SYT16: variants seen among roughly 807,000 people sequenced by gnomAD.
SYT16 encodes synaptotagmin-16.
In SYT16, 42 loss-of-function variants were observed where a neutral mutation model predicts 61.4. That is an observed-to-expected ratio of 0.68 (90% CI 0.53 to 0.89). The LOEUF is 0.89. SYT16 is among the 40% of genes least tolerant of loss of function. The pLI is 0.00. For synonymous variants in SYT16, 314 were observed against 302.3 expected (o/e 1.04, Z -0.40); for missense variants, 804 against 807.3 (o/e 1.00, Z 0.05).
Position 62,084,276 on chromosome 14 carries a change from G to T in SYT16, c.1515G>T (p.Gly505=). The change falls in exon 7 of 8, where the codon GGG becomes GGT. Residue 505 remains glycine (G), a synonymous_variant. Transcript: ENST00000683842. ...CCACGCAGTCGCTGTCTCATGGAGG[G>T]GCGCCAGAGCTGTTGGTGGGGCTCT... is the stretch of plus-strand genomic sequence containing the variant. ...TSSTQSLSHG[G]APELLVGLSY... is the part of the protein sequence containing the mutation. The T allele has an allele frequency of 6.2e-7, 1 of 1,613,902 alleles. No individual in the cohort carries two copies. The highest frequency in any genetic ancestry group is 8.5e-7 in the Non-Finnish European group (1 of 1,179,864).
At chr14:61,989,606 G>A (rs1334917201) in intron 2 of SYT16, among the ~76,000 whole-genome samples, 2 of 152,106 alleles carry the variant, frequency 1.3e-5, no homozygotes, top group Admixed American at 1.3e-4. Context: ...TGTCTAATTT[G>A]ATTTCCATGG....
intron 1 of SYT16, among the ~76,000 whole-genome samples, chr14:61,926,851 C>T (rs2049560069): frequency 1.3e-5 from 2 of 152,116 alleles, no homozygotes; most frequent in Admixed American, 1.3e-4. Flanking sequence ...TCCTTAGCTC[C>T]AGAGATAAAA....
intron 1 of SYT16, among the ~76,000 whole-genome samples, chr14:61,858,290 A>G (rs1324945775): frequency 1.3e-5 from 2 of 152,160 alleles, no homozygotes; most frequent in Non-Finnish European, 2.9e-5. Context: ...AGAAGTTAGG[A>G]TCTTTCTTTC....
chr14:61,832,858 A>T (rs1171641095), intron 1 of SYT16, among the ~76,000 whole-genome samples: 1 of 152,228 alleles, frequency 6.6e-6, no homozygotes, highest in African/African-American at 2.4e-5. Flanking sequence ...AAATAAATCT[A>T]TCCCTTTGCC....
intron 1 of SYT16, among the ~76,000 whole-genome samples, chr14:61,895,962 G>A (rs1594855304): frequency 6.6e-6 from 1 of 152,218 alleles, no homozygotes; most frequent in Admixed American, 6.5e-5. Flanking sequence ...CGTGGGGACA[G>A]TGTGGTTCAT....
intron 1 of SYT16, among the ~76,000 whole-genome samples, chr14:61,847,281 T>C (rs1258597271): frequency 6.6e-6 from 1 of 152,192 alleles, no homozygotes; most frequent in Non-Finnish European, 1.5e-5. Flanking sequence ...GGAAAGTCTT[T>C]ATTTTTCCTT....
In SYT16 at chr14:62,107,151, A is replaced by T. The variant is rs1039373961; in HGVS notation, c.*6444A>T. 1 of 151,660 alleles carries T rather than the reference A, an allele frequency of 6.6e-6. No homozygotes were observed. Among genetic ancestry groups the T allele is most frequent in the Non-Finnish European group, 1.5e-5 (1 of 67,946 alleles). The allele number at this position is 151,660 out of a possible 1,614,324, so 9.4% of individuals were successfully genotyped here. A position where few individuals can be genotyped will look rare whatever the true frequency, so the allele number is the denominator to read the frequency against. ...TTTATTCATTCAAAAAGATCTTTAT[A>T]GGTTGGGCATGGTGGCTCACACCTG... On this transcript the variant is annotated 3_prime_UTR_variant, in exon 8 of 8. Transcript: ENST00000683842.
At chr14:62,016,150 A>G (rs1338252357) in intron 3 of SYT16, among the ~76,000 whole-genome samples, 1 of 152,116 alleles carries the variant, frequency 6.6e-6, no homozygotes, top group African/African-American at 2.4e-5. Flanking sequence ...GGAACAAAAG[A>G]TCAAGGGAGC....
intron 1 of SYT16, among the ~76,000 whole-genome samples, chr14:61,823,539 G>T (rs1348086827): frequency 4.3e-5 from 6 of 137,986 alleles, no homozygotes; most frequent in African/African-American, 1.7e-4. Flanking sequence ...AACCAGCCTG[G>T]TCAACATGGC....
At chr14:61,982,119 G>A (rs533492119) in intron 2 of SYT16, among the ~76,000 whole-genome samples, 1 of 152,170 alleles carries the variant, frequency 6.6e-6, no homozygotes, top group Admixed American at 6.5e-5. Flanking sequence ...AGAAGCTCTG[G>A]AGCCATTCTA....
At chr14:62,074,008 G>T (rs765994286) in intron 4 of SYT16, among the ~76,000 whole-genome samples, 14 of 152,184 alleles carry the variant, frequency 9.2e-5, no homozygotes, top group Non-Finnish European at 1.8e-4. Context: ...CATAGACTTT[G>T]CCAACCCACG....
rs565051528 is a variant in SYT16 at position 61,994,167 on chromosome 14, G to A, written c.-144-1709G>A. Among the ~76,000 whole-genome samples, 7 of 152,314 alleles carry A rather than the reference G, an allele frequency of 4.6e-5. No individual in the cohort carries two copies. The East Asian group carries it at 1.4e-3, about 29-fold the overall frequency. On this transcript the variant is annotated intron_variant, in intron 2 of 7. Coordinates refer to ENST00000683842, the MANE Select transcript of SYT16 (RefSeq NM_001367656.1). ...AAAGCTAACGGAGTTTGGAATGGAA[G>A]AAGGTAGTGTTGAAGAGAGAAATTC...
chr14:61,961,497 C>T (rs145659890), intron 1 of SYT16, among the ~76,000 whole-genome samples: 1 of 151,988 alleles, frequency 6.6e-6, no homozygotes, highest in Admixed American at 6.6e-5. Context: ...TACACGTGGC[C>T]AACAAGTAAG....
chr14:61,865,345 C>A (rs945455855), intron 1 of SYT16: 2 of 679,266 alleles, frequency 2.9e-6, no homozygotes, highest in East Asian at 6.3e-5. Context: ...AGAAGCAGTC[C>A]GGAAAGGGAA....
rs569142277 is a variant in SYT16 at position 62,082,644 on chromosome 14, G to C, written c.1434+1370G>C. ...CCAGATGATGTCTCAGCTCTGCTCA[G>C]ATCTCCCTTTTTTCTTAATATCTGA... On this transcript the variant is annotated intron_variant, in intron 6 of 7. Transcript: ENST00000683842. Among the ~76,000 whole-genome samples the C allele has an allele frequency of 2.0e-5, 3 of 152,260 alleles. No individual in the cohort carries two copies. In the East Asian group the frequency reaches 5.8e-4, roughly 29 times the overall value.
intron 1 of SYT16, among the ~76,000 whole-genome samples, chr14:61,953,074 A>G (rs1266299536): frequency 2.0e-5 from 3 of 152,220 alleles, no homozygotes; most frequent in African/African-American, 7.2e-5. Context: ...TTCTAGAAGC[A>G]TCACATAGCA....
chr14:62,011,892 CACACACACACACATATATAT>C (rs1485831596), intron 3 of SYT16, among the ~76,000 whole-genome samples: 1 of 129,640 alleles, frequency 7.7e-6, no homozygotes, highest in Non-Finnish European at 1.6e-5. Flanking sequence ...CACACACACA[CACACACACACACATATATAT>C]ACACACACAC....
intron 3 of SYT16, among the ~76,000 whole-genome samples, chr14:62,001,968 T>C (rs2053036451): frequency 6.6e-6 from 1 of 152,132 alleles, no homozygotes; most frequent in Non-Finnish European, 1.5e-5. Context: ...TCACTTCATG[T>C]ACATTCCCCC....
At chr14:62,011,827 C>G (rs1260800530) in intron 3 of SYT16, among the ~76,000 whole-genome samples, 1 of 149,310 alleles carries the variant, frequency 6.7e-6, no homozygotes, top group Non-Finnish European at 1.5e-5. Context: ...ACCTATTTCT[C>G]AGTGCTTATG....
Sources: gnomAD v4.1 joint callset for allele counts (sites outside exome capture counted in the v4.1 genomes callset) on GRCh38, gnomAD v4.1.1 for gene constraint, MANE v1.5 for transcripts, NCBI Gene and HGNC (gene_info 2026-07-23, HGNC 2026-07-21) for gene names.